The following DERL2 variants were observed in gnomAD, a reference collection of about 807,000 sequenced individuals.
DERL2 encodes the protein derlin-2.
A neutral mutation model predicts 32.0 loss-of-function variants in DERL2; 13 were observed. The ratio of observed to expected loss-of-function variants is 0.41; its 90% CI spans 0.26 to 0.65. The LOEUF is 0.65. Among genes scored for constraint, DERL2 ranks in the 30% least tolerant of loss-of-function variants. The probability of loss-of-function intolerance (pLI) is 0.35; values close to 1 mark genes in which losing one functional copy is unlikely to be tolerated. For synonymous variants in DERL2, 111 were observed against 104.7 expected (o/e 1.06, Z -0.37); for missense variants, 208 against 296.3 (o/e 0.70, Z 2.19).
rs761096200 is a variant in DERL2, at chr17:5,482,850, A to C, written c.192T>G (p.Phe64Leu). The change falls in exon 3 of 7, where the codon TTT becomes TTG. Residue 64 changes from phenylalanine (F) to leucine (L), a missense_variant. By Grantham distance (22) the Phe-to-Leu change is conservative. Coordinates refer to ENST00000158771, the MANE Select transcript of DERL2 (RefSeq NM_016041.5). ...IWRLITNFLF[F>L]GPVGFNFLFN... Reference sequence around the variant, plus strand: ...ATAAAAAATTGAATCCAACTGGCCCAAAAAATAAGAAGTTGGTGATTAATC... The same window carrying C: ...ATAAAAAATTGAATCCAACTGGCCCCAAAAATAAGAAGTTGGTGATTAATC... 5.8e-5 allele frequency: 88 copies of C among 1,516,684 alleles called. No individual in the cohort carries two copies. The highest frequency in any genetic ancestry group is 7.0e-5 in the Non-Finnish European group (78 of 1,108,934). 94.0% of individuals were successfully genotyped at this position (1,516,684 alleles called of 1,614,324 possible).
rs1905234118 is a variant in DERL2, at chr17:5,473,890, T to C, written c.*794A>G. On this transcript the variant is annotated 3_prime_UTR_variant, in exon 7 of 7. Coordinates refer to ENST00000158771, the MANE Select transcript of DERL2 (RefSeq NM_016041.5). ...ACAAAAATGTGGCCCTTACCAATCTTTCCCTGGATACTTCTTAATGGAGAA... is the reference window on the plus strand; with the variant it reads ...ACAAAAATGTGGCCCTTACCAATCTCTCCCTGGATACTTCTTAATGGAGAA... 1 of 152,172 alleles carries C rather than the reference T, an allele frequency of 6.6e-6. No homozygotes were observed. The highest frequency in any genetic ancestry group is 6.5e-5 in the Admixed American group (1 of 15,274). The allele number at this position is 152,172 out of a possible 1,614,324, so 9.4% of individuals were successfully genotyped here.
At chr17:5,480,714 GGA>G (rs1905720760) in intron 4 of DERL2, 132 bp from the exon 5 acceptor site, 2 of 755,438 alleles carry the variant, frequency 2.6e-6, no homozygotes, top group Admixed American at 7.5e-5. Context: ...TAGAATAGAA[GGA>G]GAAACACCCA....
rs548221548 is a variant in DERL2, at chr17:5,480,921, A to G, written c.328-339T>C. ...TACAGAGATGAATAAAGCTAGCTGGAACAAAACCATCTTGTCAGACCGTAC... is the reference window on the plus strand; with the variant it reads ...TACAGAGATGAATAAAGCTAGCTGGGACAAAACCATCTTGTCAGACCGTAC... On this transcript the variant is annotated intron_variant, in intron 4 of 6. Coordinates refer to ENST00000158771, the MANE Select transcript of DERL2 (RefSeq NM_016041.5). The G allele has an allele frequency of 8.2e-6, 4 of 487,264 alleles. No individual in the cohort carries two copies. In the South Asian group the frequency reaches 1.7e-4, roughly 21 times the overall value. 30.2% of individuals were successfully genotyped at this position (487,264 alleles called of 1,614,324 possible).
At position 5,486,123 on chromosome 17, in the gene DERL2, G is replaced by A; in HGVS notation, c.39C>T (p.Ile13=). ...TGGTGTAGGCGCGGCTGACCGGTGG[G>A]ATCTGCAGGTACTCCAGCCGCAAGC... is the stretch of plus-strand genomic sequence containing the variant. The part of the protein sequence containing the change: ...YQSLRLEYLQ[I]PPVSRAYTTA... Residue 13 remains isoleucine, a synonymous_variant, in exon 1 of 7, where the codon ATC becomes ATT. Coordinates refer to ENST00000158771, the MANE Select transcript of DERL2 (RefSeq NM_016041.5). The A allele has an allele frequency of 1.2e-6, 2 of 1,611,036 alleles. No individual in the cohort carries two copies. Among genetic ancestry groups the A allele is most frequent in the South Asian group, 1.1e-5 (1 of 90,866 alleles).
intron 6 of DERL2, among the ~76,000 whole-genome samples, 162 bp downstream of exon 6, chr17:5,479,892 C>G (rs925852192): frequency 2.6e-5 from 4 of 152,142 alleles, no homozygotes; most frequent in African/African-American, 9.7e-5. Flanking sequence ...TCTGCTCCTA[C>G]CCAGTCCAAG....
Position 5,473,065 on chromosome 17 carries a change from CA to C in DERL2, c.*1618del, listed in dbSNP as rs1449978038. Reference sequence around the variant, plus strand: ...ATTAAAACACTTTTCACTTCAAAAACAATCTGAAAATTCCTATTTAGGATGT... The same window carrying C: ...ATTAAAACACTTTTCACTTCAAAAACATCTGAAAATTCCTATTTAGGATGT... On this transcript the variant is annotated 3_prime_UTR_variant, in exon 7 of 7. Coordinates refer to ENST00000158771, the MANE Select transcript of DERL2 (RefSeq NM_016041.5). The C allele has an allele frequency of 6.6e-6, 1 of 152,208 alleles. No homozygotes were observed. The highest frequency in any genetic ancestry group is 6.5e-5 in the Admixed American group (1 of 15,280). The allele number at this position is 152,208 out of a possible 1,614,324, so 9.4% of individuals were successfully genotyped here.
rs1370655866 is a variant in DERL2, at chr17:5,480,405, T to C, written c.505A>G (p.Ile169Val). ...GCCTTACCCAAAAGGTCCACAATGA[T>C]TGAGTTCCCCAACAACAAGGAAAAT... Reference protein sequence around the residue: ...MGFSLLLGNSIIVDLLGIAVG... With the variant: ...MGFSLLLGNSVIVDLLGIAVG... The change falls in exon 5 of 7, where the codon ATC becomes GTC. Residue 169 changes from isoleucine to valine, a missense_variant. Coordinates refer to ENST00000158771, the MANE Select transcript of DERL2 (RefSeq NM_016041.5). 1.2e-6 allele frequency: 2 copies of C among 1,613,742 alleles called. No homozygotes were observed. The highest frequency in any genetic ancestry group is 2.2e-5 in the East Asian group (1 of 44,880).
Position 5,471,958 on chromosome 17 carries a change from G to C in DERL2, c.*2726C>G, listed in dbSNP as rs1905143355. The C allele has an allele frequency of 6.6e-6, 1 of 151,966 alleles. No homozygotes were observed. The highest frequency in any genetic ancestry group is 2.4e-5 in the African/African-American group (1 of 41,356). The allele number at this position is 151,966 out of a possible 1,614,324, so 9.4% of individuals were successfully genotyped here. A position where few individuals can be genotyped will look rare whatever the true frequency, so the allele number is the denominator to read the frequency against. On this transcript the variant is annotated 3_prime_UTR_variant, in exon 7 of 7. Coordinates refer to ENST00000158771, the MANE Select transcript of DERL2 (RefSeq NM_016041.5). ...TTTCATTATCCAGACCCAGGACTTAGGTGTTCTGCTTCTAGAGACTACACA... is the reference window on the plus strand; with the variant it reads ...TTTCATTATCCAGACCCAGGACTTACGTGTTCTGCTTCTAGAGACTACACA...
intron 6 of DERL2, among the ~76,000 whole-genome samples, chr17:5,476,301 A>G (rs966923102): frequency 2.6e-5 from 4 of 152,256 alleles, no homozygotes; most frequent in African/African-American, 9.6e-5. Context: ...CTTCTGATTT[A>G]TACTGGAGTC....
intron 2 of DERL2, among the ~76,000 whole-genome samples, chr17:5,484,830 C>T (rs1008535500): frequency 3.3e-5 from 5 of 152,210 alleles, no homozygotes; most frequent in Non-Finnish European, 7.3e-5. Flanking sequence ...TAAGTCTAAA[C>T]CAGTGATTTC....
rs1283546772 is a variant in DERL2 at position 5,473,899 on chromosome 17, T to C, written c.*785A>G. ...TGGCCCTTACCAATCTTTCCCTGGATACTTCTTAATGGAGAAATGTAAGTA... is the reference window on the plus strand; with the variant it reads ...TGGCCCTTACCAATCTTTCCCTGGACACTTCTTAATGGAGAAATGTAAGTA... On this transcript the variant is annotated 3_prime_UTR_variant, in exon 7 of 7. Transcript: ENST00000158771. 1 of 152,216 alleles carries C rather than the reference T, an allele frequency of 6.6e-6. No individual in the cohort carries two copies. Among genetic ancestry groups the C allele is most frequent in the African/African-American group, 2.4e-5 (1 of 41,458 alleles). The allele number at this position is 152,216 out of a possible 1,614,324, so 9.4% of individuals were successfully genotyped here. A position where few individuals can be genotyped will look rare whatever the true frequency, so the allele number is the denominator to read the frequency against.
chr17:5,486,177 C>CGGGGGGGGGGGGGGGGGG lies in DERL2; in HGVS notation c.-17_-16insCCCCCCCCCCCCCCCCCC. Reference sequence around the variant, plus strand: ...GGTACGCCATCTTCCCCACCGTCGCCTGCCCCACCCCCCACCCACCCCATT... The same window carrying CGGGGGGGGGGGGGGGGGG: ...GGTACGCCATCTTCCCCACCGTCGCCGGGGGGGGGGGGGGGGGGTGCCCCACCCCCCACCCACCCCATT... On this transcript the variant is annotated 5_prime_UTR_variant, in exon 1 of 7. Coordinates refer to ENST00000158771, the MANE Select transcript of DERL2 (RefSeq NM_016041.5). 1 of 1,547,768 alleles carries CGGGGGGGGGGGGGGGGGG rather than the reference C, an allele frequency of 6.5e-7. No individual in the cohort carries two copies.
upstream of DERL2, chr17:5,486,377 T>G: frequency 9.4e-6 from 4 of 424,072 alleles, no homozygotes; most frequent in Admixed American, 4.2e-5. Flanking sequence ...GCGCCCCATC[T>G]CCCCACCCTC....
chr17:5,480,109 C>T lies in DERL2; in HGVS notation c.559G>A (p.Asp187Asn), dbSNP rs542814856. ...AVGHIYFFLE[D>N]VFPNQPGGIR... ...CCACCAGGTTGATTGGGAAATACAT[C>T]TTCCAAGAAAAAATATATGTGTCCA... is the stretch of plus-strand genomic sequence containing the variant. The change falls in exon 6 of 7, where the codon GAT becomes AAT. Residue 187 changes from aspartate to asparagine, a missense_variant. Around this residue, in one of 3 missense-constraint regions of DERL2, gnomAD observed 124 missense variants for 215.3 expected, o/e 0.58. Transcript: ENST00000158771. 9 of 1,609,822 alleles carry T rather than the reference C, an allele frequency of 5.6e-6. No individual in the cohort carries two copies. The highest frequency in any genetic ancestry group is 1.1e-5 in the South Asian group (1 of 90,836).
intron 6 of DERL2, among the ~76,000 whole-genome samples, chr17:5,479,481 G>T (rs948051269): frequency 1.8e-5 from 2 of 114,128 alleles, no homozygotes; most frequent in Non-Finnish European, 3.4e-5. Flanking sequence ...CTAGGTAACA[G>T]AGTGAGACTC....
rs1474909639 is a variant in DERL2 at position 5,481,344 on chromosome 17, C to T, written c.279G>A (p.Arg93=). The change falls in exon 4 of 7, where the codon CGG becomes CGA. Residue 93 remains arginine (R), a synonymous_variant. Coordinates refer to ENST00000158771, the MANE Select transcript of DERL2 (RefSeq NM_016041.5). This position sits in a 1 kb window ranked among gnomAD's most constrained non-coding sequence, Gnocchi z 4.4. ...GGAACATAAATACAAAGTCTGCTGT[C>T]CGACCTCGGAAAGAGCCTTCTTCTA... ...RMLEEGSFRG[R]TADFVFMFLF... is the part of the protein sequence containing the mutation. 3.1e-6 allele frequency: 5 copies of T among 1,614,162 alleles called. No individual in the cohort carries two copies. The highest frequency in any genetic ancestry group is 4.2e-6 in the Non-Finnish European group (5 of 1,180,012).
At position 5,471,501 on chromosome 17, in the gene DERL2, C is replaced by T. The variant is rs762337445; in HGVS notation, c.*3183G>A. The T allele has an allele frequency of 5.3e-5, 8 of 152,086 alleles. No homozygotes were observed. Among genetic ancestry groups the T allele is most frequent in the African/African-American group, 9.7e-5 (4 of 41,402 alleles). 9.4% of individuals were successfully genotyped at this position (152,086 alleles called of 1,614,324 possible). ...TTCAGAGACAGACAATAAAATAGGC[C>T]TTAGAGTCAAGATTTTTTGAGGAAT... On this transcript the variant is annotated 3_prime_UTR_variant, in exon 7 of 7. Transcript: ENST00000158771.
In DERL2 at chr17:5,473,094, A is replaced by G. The variant is rs1391015936; in HGVS notation, c.*1590T>C. 1.3e-5 allele frequency: 2 copies of G among 152,246 alleles called. No homozygotes were observed. Among genetic ancestry groups the G allele is most frequent in the Non-Finnish European group, 2.9e-5 (2 of 68,042 alleles). The allele number at this position is 152,246 out of a possible 1,614,324, so 9.4% of individuals were successfully genotyped here. ...CTGAAAATTCCTATTTAGGATGTCC[A>G]TTATGTTTAAGCCTATGTCTATCTT... On this transcript the variant is annotated 3_prime_UTR_variant, in exon 7 of 7. Transcript: ENST00000158771.
At chr17:5,484,090 T>A in intron 2 of DERL2, among the ~76,000 whole-genome samples, 1 of 152,192 alleles carries the variant, frequency 6.6e-6, no homozygotes, top group East Asian at 1.9e-4. Flanking sequence ...AAAAGCTGCG[T>A]TTTGAAAGGC....
Sources: gnomAD v4.1 joint callset for allele counts (sites outside exome capture counted in the v4.1 genomes callset) on GRCh38, gnomAD v4.1.1 for gene constraint, gnomAD v4.1.1 regional missense constraint, Gnocchi (gnomAD v3.1) non-coding constraint, MANE v1.5 for transcripts, NCBI Gene and HGNC (gene_info 2026-07-23, HGNC 2026-07-21) for gene names.